The following TRDN variants were observed in gnomAD, a reference collection of about 807,000 sequenced individuals.
TRDN encodes the protein triadin in skeletal muscle.
TRDN carries 161 observed loss-of-function variants against 149.7 expected under a neutral mutation model. The ratio of observed to expected loss-of-function variants is 1.08; its 90% CI spans 0.95 to 1.23. The LOEUF (loss-of-function observed/expected upper bound fraction) is 1.23. Among genes scored for constraint, TRDN ranks in the 50% most tolerant of loss-of-function variants. TRDN has a pLI of 0.00. For synonymous variants in TRDN, 294 were observed against 250.5 expected (o/e 1.17, Z -1.64); for missense variants, 896 against 823.5 (o/e 1.09, Z -1.08).
At chr6:123,268,750 A>T (rs1777102099) in intron 31 of TRDN, among the ~76,000 whole-genome samples, 1 of 152,100 alleles carries the variant, frequency 6.6e-6, no homozygotes, top group Non-Finnish European at 1.5e-5. Context: ...ATTCAAGAAT[A>T]AACTTCCATG....
intron 1 of TRDN, among the ~76,000 whole-genome samples, chr6:123,581,271 T>G (rs1406093897): frequency 6.6e-6 from 1 of 152,234 alleles, no homozygotes; most frequent in Non-Finnish European, 1.5e-5. Flanking sequence ...TGACAATATT[T>G]CCTTAATCTT....
intron 32 of TRDN, among the ~76,000 whole-genome samples, chr6:123,267,217 C>T (rs529198099): frequency 4.0e-5 from 6 of 151,364 alleles, no homozygotes; most frequent in East Asian, 3.9e-4. Context: ...TTCCTATATG[C>T]CTCAGTGTTT....
At chr6:123,543,708 T>G (rs1270035191) in intron 4 of TRDN, among the ~76,000 whole-genome samples, 1 of 152,182 alleles carries the variant, frequency 6.6e-6, no homozygotes, top group Non-Finnish European at 1.5e-5. Flanking sequence ...TTGTAAATGT[T>G]GACATTTAAA....
At chr6:123,258,366 G>C (rs1451340189) in intron 35 of TRDN, among the ~76,000 whole-genome samples, 1 of 152,076 alleles carries the variant, frequency 6.6e-6, no homozygotes, top group Non-Finnish European at 1.5e-5. Context: ...TTTTGTCAAA[G>C]GCCTTTTCTT....
At chr6:123,227,372 A>G (rs377576094) in intron 38 of TRDN, among the ~76,000 whole-genome samples, 3 of 151,900 alleles carry the variant, frequency 2.0e-5, no homozygotes, top group East Asian at 3.9e-4. Context: ...GTTTGGAGAA[A>G]GACAGTGGTG....
chr6:123,255,934 A>C (rs1776540548), intron 35 of TRDN, 32 bp from the exon 36 acceptor site: 1 of 1,183,688 alleles, frequency 8.4e-7, no homozygotes, highest in African/African-American at 1.6e-5. Flanking sequence ...AGGGTAATTT[A>C]TTTTTTTATT....
intron 21 of TRDN, chr6:123,350,901 C>T (rs545981558): frequency 6.1e-4 from 599 of 984,132 alleles, no homozygotes; most frequent in Non-Finnish European, 6.9e-4. Flanking sequence ...GGAGTAAGAT[C>T]CTATCTCTAA....
At chr6:123,580,763 A>G (rs528034700) in intron 1 of TRDN, among the ~76,000 whole-genome samples, 2 of 152,330 alleles carry the variant, frequency 1.3e-5, no homozygotes, top group South Asian at 4.1e-4. Context: ...GTTCTTCTCT[A>G]TGTAAATAAA....
At chr6:123,405,291 A>G (rs1384140884) in intron 12 of TRDN, among the ~76,000 whole-genome samples, 8 of 152,196 alleles carry the variant, frequency 5.3e-5, no homozygotes, top group African/African-American at 1.9e-4. Context: ...TTTCCCACAT[A>G]CTGTGGTAAA....
intron 23 of TRDN, 49 bp downstream of exon 23, chr6:123,331,830 A>C: frequency 1.6e-6 from 2 of 1,249,018 alleles, no homozygotes; most frequent in Non-Finnish European, 2.2e-6. Context: ...ATAACTGAAT[A>C]TGCAAAAGGC....
rs549866697 is a variant in TRDN at position 123,306,757 on chromosome 6, C to T, written c.1510+9700G>A. On this transcript the variant is annotated intron_variant, in intron 24 of 40. Coordinates refer to ENST00000334268, the MANE Select transcript of TRDN (RefSeq NM_006073.4). ...TTTGTTCTTTAGACATAATCAAAGA[C>T]CACCCAGTCTGCAGGTATGTCATGA... 4.6e-5 allele frequency among the ~76,000 whole-genome samples: 7 copies of T among 152,140 alleles called. No homozygotes were observed. The South Asian group carries it at 1.4e-3, about 32-fold the overall frequency.
chr6:123,388,962 A>G (rs549501245), intron 13 of TRDN, among the ~76,000 whole-genome samples: 8 of 152,288 alleles, frequency 5.3e-5, no homozygotes, highest in Non-Finnish European at 1.0e-4. Flanking sequence ...CTACTGAGGA[A>G]TTATATACTA....
At chr6:123,495,608 C>T (rs1778414241) in intron 9 of TRDN, among the ~76,000 whole-genome samples, 1 of 152,106 alleles carries the variant, frequency 6.6e-6, no homozygotes, top group Non-Finnish European at 1.5e-5. Context: ...TGAAGTGATC[C>T]TCCTGCCTCA....
At chr6:123,266,648 A>ATATATT (rs1295469977) in intron 32 of TRDN, among the ~76,000 whole-genome samples, 2,553 of 53,346 alleles carry the variant, frequency 0.048, 1,084 homozygotes, top group South Asian at 0.062. Context: ...ATTATATTAT[A>ATATATT]ATAATATGTA....
intron 13 of TRDN, among the ~76,000 whole-genome samples, chr6:123,390,211 A>T (rs1394909031): frequency 6.6e-6 from 1 of 152,140 alleles, no homozygotes; most frequent in Non-Finnish European, 1.5e-5. Context: ...AACGCCAAAA[A>T]GAGGGCTCAG....
chr6:123,390,492 G>A (rs1782066027), intron 13 of TRDN, among the ~76,000 whole-genome samples: 1 of 152,240 alleles, frequency 6.6e-6, no homozygotes, highest in East Asian at 1.9e-4. Context: ...GTTGAATGAA[G>A]GAATTTGACC....
chr6:123,369,479 C>T (rs1781241541), intron 19 of TRDN, among the ~76,000 whole-genome samples: 1 of 152,126 alleles, frequency 6.6e-6, no homozygotes, highest in Non-Finnish European at 1.5e-5. Context: ...GGAAGACCCC[C>T]ACCCTGCAGC....
At chr6:123,296,080 C>T (rs946640732) in intron 24 of TRDN, among the ~76,000 whole-genome samples, 1 of 152,008 alleles carries the variant, frequency 6.6e-6, no homozygotes, top group African/African-American at 2.4e-5. Context: ...TAAAAATCAA[C>T]CTGAAATGTT....
At chr6:123,262,511 T>G (rs909554415) in intron 33 of TRDN, among the ~76,000 whole-genome samples, 2 of 152,088 alleles carry the variant, frequency 1.3e-5, no homozygotes, top group African/African-American at 4.8e-5. Flanking sequence ...TGGTCCAGTG[T>G]CATAGACCTA....
Sources: gnomAD v4.1 joint callset for allele counts (sites outside exome capture counted in the v4.1 genomes callset) on GRCh38, gnomAD v4.1.1 for gene constraint, MANE v1.5 for transcripts, NCBI Gene and HGNC (gene_info 2026-07-23, HGNC 2026-07-21) for gene names.